The following WDPCP variants were observed in gnomAD, a reference collection of about 807,000 sequenced individuals.
WDPCP encodes WD repeat-containing and planar cell polarity effector protein fritz homolog.
In WDPCP, 71 loss-of-function variants were observed where a neutral mutation model predicts 93.1. The ratio of observed to expected loss-of-function variants is 0.76; its 90% CI spans 0.63 to 0.93. The LOEUF is 0.93. Ranked by LOEUF, WDPCP falls within the 40% of genes least tolerant of loss-of-function variation. WDPCP has a pLI of 0.00. For missense variants in WDPCP, 844 were observed against 887.4 expected (o/e 0.95, Z 0.62); for synonymous variants, 315 against 315.0 (o/e 1.00, Z 0.00).
chr2:63,728,822 A>G (rs2103816329), intron 2 of WDPCP, among the ~76,000 whole-genome samples: 1 of 152,226 alleles, frequency 6.6e-6, no homozygotes, highest in East Asian at 1.9e-4. Context: ...AATTTTCAAT[A>G]TACAGTCTCA....
At chr2:63,677,173 G>T (rs907846984) in intron 2 of WDPCP, among the ~76,000 whole-genome samples, 2 of 152,164 alleles carry the variant, frequency 1.3e-5, no homozygotes, top group African/African-American at 4.8e-5. Context: ...TACAGGGAAT[G>T]AAGGCACTTT....
intron 1 of WDPCP, among the ~76,000 whole-genome samples, chr2:63,557,000 C>A (rs1437937178): frequency 6.6e-6 from 1 of 152,200 alleles, no homozygotes; most frequent in African/African-American, 2.4e-5. Context: ...GCCTTCCTTA[C>A]AAGAGCTCCT....
intron 3 of WDPCP, chr2:63,599,140 T>C: frequency 2.5e-6 from 4 of 1,610,876 alleles, no homozygotes; most frequent in African/African-American, 2.7e-5. Context: ...ATATAGTCTG[T>C]AACTCTTCAG....
At chr2:63,263,523 C>A (rs1015802534) in intron 13 of WDPCP, among the ~76,000 whole-genome samples, 1 of 152,072 alleles carries the variant, frequency 6.6e-6, no homozygotes, top group African/African-American at 2.4e-5. Context: ...TTACCAGATC[C>A]CAGCACCATG....
intron 12 of WDPCP, among the ~76,000 whole-genome samples, chr2:63,334,205 AG>A: frequency 6.6e-6 from 1 of 152,346 alleles, no homozygotes; most frequent in Admixed American, 6.5e-5. Context: ...AATGTATTAT[AG>A]CTTTCAGTGT....
chr2:63,570,244 A>T (rs1243637603), intron 1 of WDPCP, among the ~76,000 whole-genome samples: 2 of 152,372 alleles, frequency 1.3e-5, no homozygotes, highest in East Asian at 3.9e-4. Context: ...TGAAATATTT[A>T]ACTTGGAAAA....
chr2:63,440,026 C>T, intron 6 of WDPCP, 155 bp from the exon 7 acceptor site: 1 of 621,026 alleles, frequency 1.6e-6, no homozygotes, highest in Non-Finnish European at 2.9e-6. Flanking sequence ...AAAACAATTA[C>T]TGACATTGTG....
At chr2:63,384,645 G>C (rs979913736) in intron 10 of WDPCP, among the ~76,000 whole-genome samples, 3 of 152,022 alleles carry the variant, frequency 2.0e-5, no homozygotes, top group Middle Eastern at 3.4e-3. Flanking sequence ...CAGCCTCACA[G>C]GAGGCTAAGG....
chr2:63,305,480 AAACT>A (rs1332339182), intron 13 of WDPCP, among the ~76,000 whole-genome samples: 2 of 152,244 alleles, frequency 1.3e-5, no homozygotes, highest in East Asian at 1.9e-4. Context: ...ACTAGAAGGA[AAACT>A]AACAAACAGA....
intron 1 of WDPCP, among the ~76,000 whole-genome samples, chr2:63,505,087 T>C (rs544114219): frequency 6.6e-6 from 1 of 152,038 alleles, no homozygotes; most frequent in Admixed American, 6.6e-5. Context: ...TTAGTCTTTA[T>C]GACAAGTTCT....
At chr2:63,320,767 T>C (rs1340316335) in intron 12 of WDPCP, among the ~76,000 whole-genome samples, 1 of 72,766 alleles carries the variant, frequency 1.4e-5, no homozygotes, top group Non-Finnish European at 2.4e-5. Context: ...AAAAGAGGAG[T>C]GAAGAAACAA....
chr2:63,604,891 C>A (rs755128980), intron 3 of WDPCP: 10 of 1,612,694 alleles, frequency 6.2e-6, no homozygotes, highest in Admixed American at 1.7e-5. Flanking sequence ...AATCTGTGAG[C>A]CTTCTTAACA....
intron 1 of WDPCP, among the ~76,000 whole-genome samples, chr2:63,814,852 T>C (rs1303939945): frequency 2.0e-5 from 3 of 152,120 alleles, no homozygotes; most frequent in African/African-American, 4.8e-5. Context: ...ATGAAGAAAA[T>C]ATGGTTTCAA....
rs1200882712 is a variant in WDPCP at position 63,555,814 on chromosome 2, A to G, written c.75+32383T>C. 2.0e-5 allele frequency among the ~76,000 whole-genome samples: 3 copies of G among 152,204 alleles called. No individual in the cohort carries two copies. In the East Asian group the frequency reaches 5.8e-4, roughly 29 times the overall value. On this transcript the variant is annotated intron_variant, in intron 1 of 17. Coordinates refer to ENST00000272321, the MANE Select transcript of WDPCP (RefSeq NM_015910.7). ...AGAAAGGAACAACAACAACAACAGC[A>G]TCAACAAAAAAAGTCCCCAAAAAAC...
intron 3 of WDPCP, among the ~76,000 whole-genome samples, chr2:63,650,001 C>A (rs1310375214): frequency 6.6e-6 from 1 of 152,174 alleles, no homozygotes; most frequent in Non-Finnish European, 1.5e-5. Flanking sequence ...GAGGAGAAGA[C>A]CAGTTGATGT....
At chr2:63,615,901 C>A (rs1356031429) in intron 3 of WDPCP, among the ~76,000 whole-genome samples, 1 of 152,206 alleles carries the variant, frequency 6.6e-6, no homozygotes, top group African/African-American at 2.4e-5. Context: ...GAGCTAAATT[C>A]ATAGCACTAC....
At chr2:63,466,879 C>A (rs1462600206) in intron 6 of WDPCP, among the ~76,000 whole-genome samples, 1 of 152,026 alleles carries the variant, frequency 6.6e-6, no homozygotes, top group East Asian at 1.9e-4. Context: ...TGAATGCCAA[C>A]AGTGGAGCCA....
intron 12 of WDPCP, among the ~76,000 whole-genome samples, chr2:63,330,054 G>A (rs1223668144): frequency 2.0e-5 from 3 of 152,202 alleles, no homozygotes; most frequent in Non-Finnish European, 4.4e-5. Flanking sequence ...ATGAGCATGA[G>A]TATAGATGTC....
chr2:63,166,191 C>G (rs1241954703), intron 15 of WDPCP, among the ~76,000 whole-genome samples: 3 of 151,874 alleles, frequency 2.0e-5, no homozygotes, highest in African/African-American at 7.3e-5. Flanking sequence ...CTCAGCCTCC[C>G]AAGTAGCTGG....
Sources: allele counts gnomAD v4.1 joint callset (sites outside exome capture counted in the v4.1 genomes callset), GRCh38; gene constraint gnomAD v4.1.1; transcripts MANE v1.5; gene names NCBI Gene and HGNC (gene_info 2026-07-23, HGNC 2026-07-21).